The following HEPHL1 variants were observed in gnomAD, a reference collection of about 807,000 sequenced individuals.
HEPHL1 encodes the protein ferroxidase HEPHL1.
Under a neutral mutation model 122.0 loss-of-function variants are expected in HEPHL1, and 123 were observed. The observed-to-expected ratio is 1.01, with a 90% confidence interval of 0.87 to 1.17. HEPHL1 has a LOEUF of 1.17. HEPHL1 is among the 50% of genes most tolerant of loss of function. The pLI is 0.00. For synonymous variants in HEPHL1, 527 were observed against 508.9 expected (o/e 1.04, Z -0.48); for missense variants, 1,452 against 1,430.5 (o/e 1.01, Z -0.24).
Position 94,070,384 on chromosome 11 carries a change from G to A in HEPHL1, c.1074G>A (p.Leu358=). The change falls in exon 6 of 20, where the codon CTG becomes CTA. Residue 358 remains leucine, a synonymous_variant. Coordinates refer to ENST00000315765, the MANE Select transcript of HEPHL1 (RefSeq NM_001098672.2). ...TCCTCTGTTCTGCAGCTGGTATGCTGGGGCAATACAATGTTGATAACTGCA... is the reference window on the plus strand; with the variant it reads ...TCCTCTGTTCTGCAGCTGGTATGCTAGGGCAATACAATGTTGATAACTGCA... ...QVSDHLQAGM[L]GQYNVDNCKS... The A allele has an allele frequency of 6.3e-7, 1 of 1,593,692 alleles. No individual in the cohort carries two copies. The highest frequency in any genetic ancestry group is 8.6e-7 in the Non-Finnish European group (1 of 1,169,010).
At chr11:94,080,456 T>G (rs1946161386) in intron 9 of HEPHL1, among the ~76,000 whole-genome samples, 1 of 152,214 alleles carries the variant, frequency 6.6e-6, no homozygotes, top group Admixed American at 6.5e-5. Context: ...TGGGTTCTAA[T>G]TAAACTAAAG....
intron 17 of HEPHL1, among the ~76,000 whole-genome samples, chr11:94,109,466 A>G (rs1008255992): frequency 1.6e-4 from 24 of 152,112 alleles, no homozygotes; most frequent in African/African-American, 5.5e-4. Context: ...TTCACCTTTG[A>G]ATATAAAGTT....
At chr11:94,053,049 A>AT (rs1159882738) in intron 2 of HEPHL1, among the ~76,000 whole-genome samples, 46 of 149,990 alleles carry the variant, frequency 3.1e-4, no homozygotes, top group Middle Eastern at 3.4e-3. Flanking sequence ...ATTGGCATGG[A>AT]TTTTTTTTTT....
chr11:94,100,211 C>G (rs1451161348), intron 13 of HEPHL1, among the ~76,000 whole-genome samples: 2 of 152,156 alleles, frequency 1.3e-5, no homozygotes, highest in East Asian at 1.9e-4. Flanking sequence ...AACCGTCCAA[C>G]AAATTTTAGA....
chr11:94,039,517 C>T (rs1214125179), intron 1 of HEPHL1, among the ~76,000 whole-genome samples: 2 of 150,884 alleles, frequency 1.3e-5, no homozygotes, highest in Non-Finnish European at 3.0e-5. Flanking sequence ...TTATAACAAA[C>T]TATCTCTCAG....
intron 2 of HEPHL1, among the ~76,000 whole-genome samples, chr11:94,056,304 C>T (rs1174996266): frequency 6.6e-6 from 1 of 152,066 alleles, no homozygotes; most frequent in African/African-American, 2.4e-5. Context: ...CCCAGTTTGA[C>T]AATCTCTACA....
chr11:94,056,703 A>ATCTATCTATCTG (rs2134422748), intron 2 of HEPHL1, among the ~76,000 whole-genome samples: 1 of 151,832 alleles, frequency 6.6e-6, no homozygotes, highest in African/African-American at 2.4e-5. Flanking sequence ...CTATCTATCT[A>ATCTATCTATCTG]TCTATAATGC....
At position 94,063,692 on chromosome 11, in the gene HEPHL1, A is replaced by G. The variant is rs373612508; in HGVS notation, c.600A>G (p.Leu200=). The G allele has an allele frequency of 3.7e-6, 6 of 1,613,626 alleles. No homozygotes were observed. In the African/African-American group the frequency reaches 8.0e-5, roughly 22 times the overall value. ...IDAPKDICSG[L]IGPLLVCKEG... The stretch of plus-strand genomic sequence containing the variant: ...CCCCAAAGGACATCTGCTCTGGGCT[A>G]ATTGGGCCCCTGCTGGTCTGCAAGG... Residue 200 remains leucine, a synonymous_variant, in exon 3 of 20, where the codon CTA becomes CTG. Coordinates refer to ENST00000315765, the MANE Select transcript of HEPHL1 (RefSeq NM_001098672.2).
chr11:94,054,462 T>C (rs1415471715), intron 2 of HEPHL1, among the ~76,000 whole-genome samples: 5 of 152,232 alleles, frequency 3.3e-5, no homozygotes, highest in Non-Finnish European at 5.9e-5. Context: ...TAGTTCACAC[T>C]TGTTTCCACT....
intron 13 of HEPHL1, among the ~76,000 whole-genome samples, chr11:94,100,969 C>T (rs1349757681): frequency 6.6e-6 from 1 of 152,102 alleles, no homozygotes; most frequent in Non-Finnish European, 1.5e-5. Flanking sequence ...TACCCAAGGC[C>T]CCTCTAATAA....
intron 8 of HEPHL1, 63 bp downstream of exon 8, chr11:94,073,502 C>A: frequency 6.7e-7 from 1 of 1,490,924 alleles, no homozygotes; most frequent in Non-Finnish European, 9.1e-7. Flanking sequence ...TAGAAATAAA[C>A]AGTCCTGGTT....
chr11:94,109,952 A>G (rs1946435987), intron 17 of HEPHL1, among the ~76,000 whole-genome samples: 1 of 152,206 alleles, frequency 6.6e-6, no homozygotes, highest in Non-Finnish European at 1.5e-5. Context: ...CAATAAAGCC[A>G]TCTGGAGTTT....
At chr11:94,096,950 T>G (rs1394122564) in intron 13 of HEPHL1, among the ~76,000 whole-genome samples, 2 of 152,246 alleles carry the variant, frequency 1.3e-5, no homozygotes, top group Non-Finnish European at 2.9e-5. Flanking sequence ...TCAATTTTGT[T>G]GATCTTTTCA....
chr11:94,072,528 A>G (rs1238172510), intron 6 of HEPHL1, among the ~76,000 whole-genome samples: 2 of 152,168 alleles, frequency 1.3e-5, no homozygotes, highest in Non-Finnish European at 2.9e-5. Context: ...ACGACTTGGA[A>G]ATTTTGCATT....
chr11:94,073,014 T>A lies in HEPHL1; in HGVS notation c.1233-11T>A, dbSNP rs891637838. 3 of 1,610,644 alleles carry A rather than the reference T, an allele frequency of 1.9e-6. No homozygotes were observed. The highest frequency in any genetic ancestry group is 2.5e-6 in the Non-Finnish European group (3 of 1,177,738). On this transcript the variant is annotated splice_polypyrimidine_tract_variant and intron_variant, in intron 6 of 19. Transcript: ENST00000315765. ...AGAAGTGTCCTCAATCACATTCCTATGTCTTTTCAGTGACTCTGATCTCTA... is the reference window on the plus strand; with the variant it reads ...AGAAGTGTCCTCAATCACATTCCTAAGTCTTTTCAGTGACTCTGATCTCTA...
intron 3 of HEPHL1, 103 bp from the exon 4 acceptor site, chr11:94,064,228 A>G: frequency 1.3e-6 from 1 of 763,486 alleles, no homozygotes; most frequent in Non-Finnish European, 2.1e-6. Flanking sequence ...CCTTGTAGGT[A>G]TAGGTCTTCA....
Position 94,082,423 on chromosome 11 carries a change from A to G in HEPHL1, c.1722A>G (p.Gly574=), listed in dbSNP as rs774582814. 6.3e-5 allele frequency: 102 copies of G among 1,606,546 alleles called. No individual in the cohort carries two copies. Among genetic ancestry groups the G allele is most frequent in the Middle Eastern group, 1.7e-4 (1 of 6,060 alleles). ...CATTTCTTTCTTCTCTGTAGAAAGG[A>G]ATAGACAAGGAGTTTTACCTACTGT... The part of the protein sequence containing the change: ...GVLNADGTQK[G]IDKEFYLLFT... The change falls in exon 10 of 20, where the codon GGA becomes GGG. Residue 574 remains glycine, a synonymous_variant. Coordinates refer to ENST00000315765, the MANE Select transcript of HEPHL1 (RefSeq NM_001098672.2).
chr11:94,108,796 T>G lies in HEPHL1; in HGVS notation c.3046-2107T>G, dbSNP rs567758337. On this transcript the variant is annotated intron_variant, in intron 17 of 19. Transcript: ENST00000315765. Reference sequence around the variant, plus strand: ...TGAATGCCACAATGTTTTGATTACTTTAGTATTATAGTAAGTCTCAAAATC... The same window carrying G: ...TGAATGCCACAATGTTTTGATTACTGTAGTATTATAGTAAGTCTCAAAATC... Among the ~76,000 whole-genome samples, 367 of 152,208 alleles carry G rather than the reference T, an allele frequency of 2.4e-3. 2 individuals carry two copies. The highest frequency in any genetic ancestry group is 7.5e-3 in the African/African-American group (311 of 41,570).
chr11:94,090,943 A>G (rs1016135338), intron 12 of HEPHL1, among the ~76,000 whole-genome samples: 2 of 152,238 alleles, frequency 1.3e-5, no homozygotes, highest in African/African-American at 2.4e-5. Context: ...AAGCCAACAA[A>G]TGGGACCATC....
Sources: gnomAD v4.1 joint callset for allele counts (sites outside exome capture counted in the v4.1 genomes callset) on GRCh38, gnomAD v4.1.1 for gene constraint, MANE v1.5 for transcripts, NCBI Gene and HGNC (gene_info 2026-07-23, HGNC 2026-07-21) for gene names.